Variants in ABCB1 observed in about 807,000 individuals in gnomAD.
ABCB1 encodes the protein ATP-dependent translocase ABCB1.
A neutral mutation model predicts 142.0 loss-of-function variants in ABCB1; 69 were observed. The observed-to-expected ratio is 0.49, with a 90% CI of 0.40 to 0.59. The LOEUF is 0.59. ABCB1 is among the 20% of genes least tolerant of loss of function. The pLI is 0.00. For missense variants in ABCB1, 1,326 were observed against 1,554.7 expected, an observed-to-expected ratio of 0.85 and a Z score of 2.47; for synonymous variants, 532 against 539.2, an observed-to-expected ratio of 0.99 and a Z score of 0.18.
intron 1 of ABCB1, among the ~76,000 whole-genome samples, chr7:87,662,064 T>C (rs1433606269): frequency 6.6e-6 from 1 of 152,152 alleles, no homozygotes. Flanking sequence ...TTGAGAAACA[T>C]CTATTCTGAT....
intron 27 of ABCB1, among the ~76,000 whole-genome samples, chr7:87,504,891 A>G (rs1814665193): frequency 6.6e-6 from 1 of 152,140 alleles, no homozygotes; most frequent in South Asian, 2.1e-4. Context: ...AGGTTTTTGA[A>G]AACAAAGGAT....
intron 23 of ABCB1, among the ~76,000 whole-genome samples, chr7:87,518,641 C>T (rs1356643607): frequency 1.3e-5 from 2 of 152,150 alleles, no homozygotes; most frequent in African/African-American, 4.8e-5. Flanking sequence ...AAAATTATAT[C>T]GCTACTAATT....
At chr7:87,672,813 G>C (rs1825964155) in intron 1 of ABCB1, among the ~76,000 whole-genome samples, 1 of 152,150 alleles carries the variant, frequency 6.6e-6, no homozygotes, top group Non-Finnish European at 1.5e-5. Context: ...AGGTTCCCCT[G>C]GCTCTGCGTT....
At chr7:87,565,434 G>A (rs1392586591) in intron 7 of ABCB1, 1 of 452,888 alleles carries the variant, frequency 2.2e-6, no homozygotes, top group Admixed American at 2.4e-5. Flanking sequence ...GTGTGCTGGG[G>A]TAGAGAGGGC....
At chr7:87,623,639 A>G (rs1820305858) in intron 1 of ABCB1, among the ~76,000 whole-genome samples, 1 of 150,846 alleles carries the variant, frequency 6.6e-6, no homozygotes, top group African/African-American at 2.4e-5. Flanking sequence ...CCTCTTCTCA[A>G]CGGAAACCCA....
intron 1 of ABCB1, among the ~76,000 whole-genome samples, chr7:87,642,429 T>A (rs1822549718): frequency 6.6e-6 from 1 of 152,090 alleles, no homozygotes; most frequent in Admixed American, 6.5e-5. Flanking sequence ...TCATTTGTTC[T>A]TGGATAAAGA....
chr7:87,660,838 T>C (rs1824630261), intron 1 of ABCB1, among the ~76,000 whole-genome samples: 1 of 151,978 alleles, frequency 6.6e-6, no homozygotes, highest in South Asian at 2.1e-4. Flanking sequence ...AATTTGGAAG[T>C]CTTTTTATGT....
chr7:87,669,430 C>T (rs1825612324), intron 1 of ABCB1, among the ~76,000 whole-genome samples: 1 of 152,002 alleles, frequency 6.6e-6, no homozygotes, highest in Middle Eastern at 3.2e-3. Context: ...TTTTATCCAG[C>T]TTCTCACTGT....
chr7:87,554,453 C>T (rs1817228808), intron 8 of ABCB1, among the ~76,000 whole-genome samples: 1 of 152,082 alleles, frequency 6.6e-6, no homozygotes, highest in Admixed American at 6.6e-5. Context: ...TGAGAGGTTA[C>T]ATGTGTGAGA....
At chr7:87,530,217 A>G (rs541871609) in intron 21 of ABCB1, among the ~76,000 whole-genome samples, 52 of 152,344 alleles carry the variant, frequency 3.4e-4, no homozygotes, top group African/African-American at 1.2e-3. Flanking sequence ...CAGAATGTTC[A>G]TCACACATAT....
At chr7:87,570,337 G>A (rs917253637) in intron 4 of ABCB1, 114 bp from the exon 5 acceptor site, 42 of 1,036,928 alleles carry the variant, frequency 4.1e-5, no homozygotes, top group African/African-American at 9.5e-5. Context: ...AAAATAGGTC[G>A]AACTGACTCA....
At chr7:87,534,941 C>T (rs1481768670) in intron 20 of ABCB1, among the ~76,000 whole-genome samples, 1 of 96,908 alleles carries the variant, frequency 1.0e-5, no homozygotes, top group African/African-American at 4.5e-5. Flanking sequence ...AAAAAAAAAA[C>T]TCCATTTTTT....
intron 1 of ABCB1, among the ~76,000 whole-genome samples, chr7:87,711,948 T>G (rs1352524231): frequency 3.3e-5 from 5 of 152,216 alleles, no homozygotes; most frequent in Non-Finnish European, 7.3e-5. Flanking sequence ...AAAGAAATCA[T>G]ATCTCTGAGA....
chr7:87,637,605 G>GT (rs1821911156), intron 1 of ABCB1, among the ~76,000 whole-genome samples: 1 of 151,874 alleles, frequency 6.6e-6, no homozygotes, highest in African/African-American at 2.4e-5. Flanking sequence ...CAATAATGTA[G>GT]TTTTGCATAT....
upstream of ABCB1, among the ~76,000 whole-genome samples, chr7:87,604,063 T>G (rs914287534): frequency 2.0e-5 from 3 of 152,216 alleles, no homozygotes; most frequent in African/African-American, 7.2e-5. Context: ...TGACCTATTA[T>G]TCTCATATCC....
chr7:87,550,125 G>A, intron 12 of ABCB1, 46 bp downstream of exon 12: 1 of 1,614,112 alleles, frequency 6.2e-7, no homozygotes, highest in Non-Finnish European at 8.5e-7. Flanking sequence ...GATGTGCAAT[G>A]TGACTGCTGA....
chr7:87,696,501 A>C (rs938878782), intron 1 of ABCB1, among the ~76,000 whole-genome samples: 2 of 152,320 alleles, frequency 1.3e-5, no homozygotes, highest in African/African-American at 4.8e-5. Context: ...CTTTCTGTAG[A>C]TGCAGAAATT....
At chr7:87,518,470 A>G (rs1815346305) in intron 23 of ABCB1, among the ~76,000 whole-genome samples, 1 of 152,222 alleles carries the variant, frequency 6.6e-6, no homozygotes, top group Non-Finnish European at 1.5e-5. Context: ...TAGCACCTGC[A>G]TATCATTTGT....
In ABCB1 at chr7:87,558,402, T is replaced by C. The variant is rs559291429; in HGVS notation, c.827+2861A>G. On this transcript the variant is annotated intron_variant, in intron 8 of 27. Coordinates refer to ENST00000622132, the MANE Select transcript of ABCB1 (RefSeq NM_001348946.2). Reference sequence around the variant, plus strand: ...AATAATGATAGGTACCCAGAGATCTTATTGTATTTTGTTAGCTTATAAAAC... The same window carrying C: ...AATAATGATAGGTACCCAGAGATCTCATTGTATTTTGTTAGCTTATAAAAC... Among the ~76,000 whole-genome samples the C allele has an allele frequency of 2.0e-5, 3 of 152,326 alleles. No homozygotes were observed. The South Asian group carries it at 6.2e-4, about 32-fold the overall frequency.
Sources: allele counts gnomAD v4.1 joint callset (sites outside exome capture counted in the v4.1 genomes callset), GRCh38; gene constraint gnomAD v4.1.1; transcripts MANE v1.5; gene names NCBI Gene and HGNC (gene_info 2026-07-23, HGNC 2026-07-21).